KLHL23: variants seen among roughly 807,000 people sequenced by gnomAD.
KLHL23 encodes the protein kelch like family member 23.
In KLHL23, 33 loss-of-function variants were observed where a neutral mutation model predicts 48.9. That is an observed-to-expected ratio of 0.67 (90% CI 0.51 to 0.90). The LOEUF is 0.90. Ranked by LOEUF, KLHL23 falls within the 40% of genes least tolerant of loss-of-function variation. The pLI is 0.00. For synonymous variants in KLHL23, 234 were observed against 231.6 expected, an observed-to-expected ratio of 1.01 and a Z score of -0.09; for missense variants, 608 against 669.6, an observed-to-expected ratio of 0.91 and a Z score of 1.02.
Position 169,751,275 on chromosome 2 carries a change from ACT to A in KLHL23, c.*1546_*1547del, listed in dbSNP as rs1329000346. The A allele has an allele frequency of 6.6e-6, 1 of 152,164 alleles. No homozygotes were observed. The highest frequency in any genetic ancestry group is 6.5e-5 in the Admixed American group (1 of 15,278). 9.4% of individuals were successfully genotyped at this position (152,164 alleles called of 1,614,324 possible). A position where few individuals can be genotyped will look rare whatever the true frequency, so the allele number is the denominator to read the frequency against. On this transcript the variant is annotated 3_prime_UTR_variant, in exon 4 of 4. Coordinates refer to ENST00000392647, the MANE Select transcript of KLHL23 (RefSeq NM_144711.6). ...TTATCTGTGAGACCATCTATTCCAC[ACT>A]CTTCATTTTTTAAAAAGAGACAATA...
At chr2:169,742,545 A>G (rs1007708429) in intron 3 of KLHL23, among the ~76,000 whole-genome samples, 1 of 152,232 alleles carries the variant, frequency 6.6e-6, no homozygotes, top group African/African-American at 2.4e-5. Context: ...TGTAGCCACT[A>G]AACAATCTGT....
chr2:169,749,484 A>G lies in KLHL23; in HGVS notation c.1429A>G (p.Ile477Val), dbSNP rs748453167. ...CTATCTAGTCGGCGGACAAACTACA[A>G]TCACAGAATGCTATGACCCTGAACA... Reference protein sequence around the residue: ...KLYLVGGQTTITECYDPEQNE... With the variant: ...KLYLVGGQTTVTECYDPEQNE... The change falls in exon 4 of 4, where the codon ATC (isoleucine) becomes GTC (valine). Residue 477 changes from isoleucine (I) to valine (V), a missense_variant. Physicochemically the swap from Ile to Val is conservative, Grantham distance 29. Around this residue, in one of 3 missense-constraint regions of KLHL23, gnomAD observed 179 missense variants for 169.9 expected, o/e 1.05. Transcript: ENST00000392647. 6.2e-7 allele frequency: 1 copy of G among 1,614,140 alleles called. No homozygotes were observed. The highest frequency in any genetic ancestry group is 8.5e-7 in the Non-Finnish European group (1 of 1,180,028).
intron 1 of KLHL23, 57 bp from the exon 2 acceptor site, chr2:169,734,956 T>G: frequency 6.7e-7 from 1 of 1,501,074 alleles, no homozygotes; most frequent in Non-Finnish European, 8.8e-7. Flanking sequence ...TTAGCGTTGA[T>G]TATTTGAGAG....
chr2:169,736,105 C>A lies in KLHL23; in HGVS notation c.1091C>A (p.Ala364Glu), dbSNP rs751889410. The A allele has an allele frequency of 6.2e-7, 1 of 1,614,180 alleles. No individual in the cohort carries two copies. The highest frequency in any genetic ancestry group is 8.5e-7 in the Non-Finnish European group (1 of 1,180,022). The stretch of plus-strand genomic sequence containing the variant: ...CTCAATGCCAGGTATTACCACTGTG[C>A]AGTCACCTTGGGTGGCTGTGTCTAT... ...PMLNARYYHC[A>E]VTLGGCVYAL... The change falls in exon 2 of 4, where the codon GCA becomes GAA. Residue 364 changes from alanine to glutamate, a missense_variant. By Grantham distance (107) the Ala-to-Glu change is moderately radical. Coordinates refer to ENST00000392647, the MANE Select transcript of KLHL23 (RefSeq NM_144711.6).
At chr2:169,746,516 G>A (rs1177468081) in intron 3 of KLHL23, among the ~76,000 whole-genome samples, 1 of 152,182 alleles carries the variant, frequency 6.6e-6, no homozygotes, top group Non-Finnish European at 1.5e-5. Context: ...TCTGCTGTGT[G>A]CATCCTACAT....
chr2:169,748,771 G>GCCCCC, intron 3 of KLHL23, among the ~76,000 whole-genome samples: 1 of 110,374 alleles, frequency 9.1e-6, no homozygotes, highest in Non-Finnish European at 2.1e-5. Flanking sequence ...GAGGAGGACC[G>GCCCCC]CCCCCCCCCC....
chr2:169,747,956 C>G (rs1005397805), intron 3 of KLHL23, among the ~76,000 whole-genome samples: 2 of 152,228 alleles, frequency 1.3e-5, no homozygotes, highest in African/African-American at 4.8e-5. Flanking sequence ...GAGACCCCAT[C>G]TCTACAAAAA....
intron 3 of KLHL23, among the ~76,000 whole-genome samples, chr2:169,748,331 A>G (rs1688851321): frequency 6.6e-6 from 1 of 152,222 alleles, no homozygotes; most frequent in African/African-American, 2.4e-5. Flanking sequence ...ACTTCAAGGC[A>G]GAAGGAACAG....
At chr2:169,747,703 CA>C (rs1688828456) in intron 3 of KLHL23, among the ~76,000 whole-genome samples, 1 of 151,936 alleles carries the variant, frequency 6.6e-6, no homozygotes, top group South Asian at 2.1e-4. Flanking sequence ...CACAAGCGTA[CA>C]AAGTACAATT....
At position 169,735,777 on chromosome 2, in the gene KLHL23, C is replaced by G; in HGVS notation, c.763C>G (p.Leu255Val). Residue 255 changes from leucine (L) to valine (V), a missense_variant, in exon 2 of 4, where the codon CTA becomes GTA. Physicochemically the swap from Leu to Val is conservative, Grantham distance 32 (BLOSUM62 1). Transcript: ENST00000392647. The surrounding 1 kb of genome is among the most constrained non-coding windows in gnomAD (Gnocchi z 4.5). ...GCTCACCGAAAATAAGATCCGCTCC[C>G]TAATATACAATGCCTTGAATCCCAT... The part of the protein sequence containing the change: ...CLLTENKIRS[L>V]IYNALNPMHK... 2 of 1,614,104 alleles carry G rather than the reference C, an allele frequency of 1.2e-6. No individual in the cohort carries two copies.
At chr2:169,738,731 T>C (rs1688574640) in intron 2 of KLHL23, among the ~76,000 whole-genome samples, 1 of 151,316 alleles carries the variant, frequency 6.6e-6, no homozygotes, top group Non-Finnish European at 1.5e-5. Context: ...AAAATGGTGC[T>C]AGGTAAAAGT....
Position 169,735,822 on chromosome 2 carries a change from A to G in KLHL23, c.808A>G (p.Arg270Gly), listed in dbSNP as rs776179043. The change falls in exon 2 of 4, where the codon AGG (arginine) becomes GGG (glycine). Residue 270 changes from arginine (R) to glycine (G), a missense_variant. Arg to Gly is a moderately radical substitution (Grantham distance 125). Coordinates refer to ENST00000392647, the MANE Select transcript of KLHL23 (RefSeq NM_144711.6). The surrounding 1 kb of genome is among the most constrained non-coding windows in gnomAD (Gnocchi z 4.5). ...TCCCATGCATAAAGAGATTTCCCAG[A>G]GGTCCACAGCCACAATGTATATAAT... ...LNPMHKEISQ[R>G]STATMYIIGG... 4 of 1,614,040 alleles carry G rather than the reference A, an allele frequency of 2.5e-6. No individual in the cohort carries two copies. In the African/African-American group the frequency reaches 5.3e-5, roughly 22 times the overall value.
chr2:169,736,629 C>T (rs989858074), intron 2 of KLHL23, among the ~76,000 whole-genome samples: 1 of 152,174 alleles, frequency 6.6e-6, no homozygotes, highest in Non-Finnish European at 1.5e-5. Flanking sequence ...GAACTAGAGA[C>T]AACGTCTGCT....
chr2:169,736,254 A>AT (rs766496908), intron 2 of KLHL23, 27 bp downstream of exon 2: 16 of 1,564,706 alleles, frequency 1.0e-5, no homozygotes, highest in African/African-American at 2.7e-5. Flanking sequence ...TTTATTTTGT[A>AT]TTTTTTAGAT....
chr2:169,742,079 A>G (rs140097864), intron 3 of KLHL23, among the ~76,000 whole-genome samples: 13 of 152,342 alleles, frequency 8.5e-5, no homozygotes, highest in East Asian at 1.9e-4. Context: ...GGAATGGCCT[A>G]CCTTCTTGGA....
At chr2:169,740,791 T>TATATATATATATATATA (rs1291405019) in intron 2 of KLHL23, among the ~76,000 whole-genome samples, 22 of 140,228 alleles carry the variant, frequency 1.6e-4, no homozygotes, top group African/African-American at 5.7e-4. Flanking sequence ...TATATATATA[T>TATATATATATATATATA]AACTTATTTA....
At chr2:169,734,988 A>AT (rs756058351) in intron 1 of KLHL23, 25 bp from the exon 2 acceptor site, 1 of 1,516,324 alleles carries the variant, frequency 6.6e-7, no homozygotes, top group Non-Finnish European at 8.8e-7. Flanking sequence ...TTGAAAACAC[A>AT]TTTGTTATTT....
rs372479000 is a variant in KLHL23, at chr2:169,735,169, G to A, written c.155G>A (p.Arg52Gln). Residue 52 changes from arginine to glutamine, a missense_variant, in exon 2 of 4, where the codon CGA becomes CAA. Physicochemically the swap from Arg to Gln is conservative, Grantham distance 43. This residue lies in a region of KLHL23 where 419 missense variants were observed against 473.1 expected (regional missense o/e 0.89). Coordinates refer to ENST00000392647, the MANE Select transcript of KLHL23 (RefSeq NM_144711.6). This position sits in a 1 kb window ranked among gnomAD's most constrained non-coding sequence, Gnocchi z 4.5. ...CPSGIIFHCHRAVLAACSNYF... is the reference protein window; with the variant it reads ...CPSGIIFHCHQAVLAACSNYF... ...TCAGGCATAATTTTCCATTGTCACC[G>A]AGCCGTTTTAGCTGCTTGCAGCAAT... The A allele has an allele frequency of 2.5e-6, 4 of 1,612,910 alleles. No individual in the cohort carries two copies. Among genetic ancestry groups the A allele is most frequent in the African/African-American group, 2.7e-5 (2 of 74,866 alleles).
intron 2 of KLHL23, among the ~76,000 whole-genome samples, chr2:169,736,550 C>T (rs144124483): frequency 6.6e-6 from 1 of 152,164 alleles, no homozygotes; most frequent in African/African-American, 2.4e-5. Context: ...GATCAGCTCT[C>T]AAGAGGTCCT....
Sources: allele counts gnomAD v4.1 joint callset (sites outside exome capture counted in the v4.1 genomes callset), GRCh38; gene constraint gnomAD v4.1.1; regional missense constraint gnomAD v4.1.1; non-coding constraint Gnocchi (gnomAD v3.1); transcripts MANE v1.5; gene names NCBI Gene and HGNC (gene_info 2026-07-23, HGNC 2026-07-21).